GRM5: variants seen among roughly 807,000 people sequenced by gnomAD.
GRM5 encodes the protein glutamate metabotropic receptor 5.
GRM5 carries 19 observed loss-of-function variants against 83.1 expected under a neutral mutation model. The observed-to-expected ratio is 0.23, with a 90% CI of 0.16 to 0.34. The LOEUF is 0.34. Among genes scored for constraint, GRM5 ranks in the 10% least tolerant of loss-of-function variants. The pLI, the probability that GRM5 is intolerant of heterozygous loss-of-function variation, is 1.00. For synonymous variants in GRM5, 675 were observed against 633.6 expected (o/e 1.07, Z -0.98); for missense variants, 1,160 against 1,588.3 (o/e 0.73, Z 4.58).
At chr11:88,568,622 T>C (rs975871460) in intron 7 of GRM5, among the ~76,000 whole-genome samples, 1 of 152,196 alleles carries the variant, frequency 6.6e-6, no homozygotes, top group Non-Finnish European at 1.5e-5. Flanking sequence ...TGTGTGCGTG[T>C]GTGTTTTAAA....
intron 3 of GRM5, among the ~76,000 whole-genome samples, chr11:88,767,922 TA>T (rs1942654681): frequency 6.6e-6 from 1 of 151,810 alleles, no homozygotes; most frequent in African/African-American, 2.4e-5. Context: ...AGCAACACTA[TA>T]AAAAGAAAAA....
intron 4 of GRM5, among the ~76,000 whole-genome samples, chr11:88,636,430 T>G (rs114073765): frequency 6.6e-6 from 1 of 152,062 alleles, no homozygotes; most frequent in Admixed American, 6.6e-5. Context: ...GATAATTGAT[T>G]GAACCTGAGA....
chr11:88,905,530 C>CG (rs1565286062), intron 2 of GRM5, among the ~76,000 whole-genome samples: 4 of 151,940 alleles, frequency 2.6e-5, no homozygotes, highest in Non-Finnish European at 5.9e-5. Flanking sequence ...TTAGTAGAGA[C>CG]GGGGTTTCGC....
At position 88,615,649 on chromosome 11, in the gene GRM5, T is replaced by TAA. The variant is rs58256186; in HGVS notation, c.1148-10687_1148-10686dup. 5.5e-3 allele frequency among the ~76,000 whole-genome samples: 662 copies of TAA among 119,736 alleles called. 10 individuals are homozygous for TAA. The East Asian group carries it at 0.075, about 14-fold the overall frequency. The allele number at this position is 119,736 out of a possible 152,430, so 78.6% of individuals were successfully genotyped here. A position where few individuals can be genotyped will look rare whatever the true frequency, so the allele number is the denominator to read the frequency against. ...CTATTTCCACTATAGATTAAGAAAC[T>TAA]AAAAAAAAAAAAAAAAAAATCAAAG... On this transcript the variant is annotated intron_variant, in intron 4 of 9. Coordinates refer to ENST00000305447, the MANE Select transcript of GRM5 (RefSeq NM_001143831.3).
chr11:88,508,504 A>C lies in GRM5; in HGVS notation c.*88T>G. 1 of 1,091,094 alleles carries C rather than the reference A, an allele frequency of 9.2e-7. No homozygotes were observed. The highest frequency in any genetic ancestry group is 1.3e-6 in the Non-Finnish European group (1 of 749,450). 67.6% of individuals were successfully genotyped at this position (1,091,094 alleles called of 1,614,324 possible). On this transcript the variant is annotated 3_prime_UTR_variant, in exon 10 of 10. Coordinates refer to ENST00000305447, the MANE Select transcript of GRM5 (RefSeq NM_001143831.3). The surrounding 1 kb of genome is among the most constrained non-coding windows in gnomAD (Gnocchi z 4.2). The stretch of plus-strand genomic sequence containing the variant: ...CCTTGGCATCTTCCCCCTGGGCCGT[A>C]ACCAGGCGACTATGCTTGCCATTGT...
intron 2 of GRM5, among the ~76,000 whole-genome samples, chr11:88,944,339 T>A (rs2135670282): frequency 6.6e-6 from 1 of 152,090 alleles, no homozygotes; most frequent in Non-Finnish European, 1.5e-5. Context: ...TGAGTGTGTT[T>A]GGGTCACAGT....
intron 2 of GRM5, among the ~76,000 whole-genome samples, chr11:89,004,037 G>C (rs1403421502): frequency 6.6e-6 from 1 of 152,164 alleles, no homozygotes; most frequent in African/African-American, 2.4e-5. Flanking sequence ...GGGTAGGCAA[G>C]ATCAATAGTG....
intron 3 of GRM5, among the ~76,000 whole-genome samples, chr11:88,783,880 G>A (rs527285133): frequency 7.6e-4 from 116 of 152,098 alleles, no homozygotes; most frequent in African/African-American, 2.8e-3. Flanking sequence ...CTATACACTG[G>A]CACATAGGAA....
intron 4 of GRM5, among the ~76,000 whole-genome samples, chr11:88,652,243 T>C (rs1287499650): frequency 6.6e-6 from 1 of 152,094 alleles, no homozygotes; most frequent in Non-Finnish European, 1.5e-5. Flanking sequence ...GCAATGCAAA[T>C]GCATATGGGT....
chr11:88,923,822 A>G (rs1945735733), intron 2 of GRM5, among the ~76,000 whole-genome samples: 1 of 143,072 alleles, frequency 7.0e-6, no homozygotes, highest in Non-Finnish European at 1.6e-5. Flanking sequence ...CCATGAATAT[A>G]TATATTCGTA....
chr11:88,696,576 GATA>G (rs1487222868), intron 3 of GRM5, among the ~76,000 whole-genome samples: 1 of 152,178 alleles, frequency 6.6e-6, no homozygotes, highest in Non-Finnish European at 1.5e-5. Flanking sequence ...TCATCTGTAA[GATA>G]ATAATTGGGA....
At chr11:88,707,166 A>C (rs1199481169) in intron 3 of GRM5, among the ~76,000 whole-genome samples, 3 of 152,066 alleles carry the variant, frequency 2.0e-5, no homozygotes, top group Non-Finnish European at 4.4e-5. Context: ...TCCTCCCATT[A>C]GCTGTGTGAT....
chr11:89,036,216 A>C (rs1259460180), intron 2 of GRM5, among the ~76,000 whole-genome samples: 1 of 151,986 alleles, frequency 6.6e-6, no homozygotes, highest in East Asian at 1.9e-4. Flanking sequence ...GCCTCTCAAC[A>C]TATATCACCA....
intron 3 of GRM5, among the ~76,000 whole-genome samples, chr11:88,693,583 A>G (rs1387928571): frequency 1.3e-5 from 2 of 152,142 alleles, no homozygotes; most frequent in African/African-American, 4.8e-5. Context: ...ACCCCTGAAA[A>G]TAGGCAGACT....
chr11:88,822,629 A>C (rs962916982), intron 3 of GRM5, among the ~76,000 whole-genome samples: 7 of 152,196 alleles, frequency 4.6e-5, no homozygotes, highest in Non-Finnish European at 8.8e-5. Flanking sequence ...GTGTGGCAGC[A>C]CACAGGGCTG....
At chr11:88,687,545 C>T (rs1565187023) in intron 3 of GRM5, among the ~76,000 whole-genome samples, 211 of 15,506 alleles carry the variant, frequency 0.014, 7 homozygotes, top group Admixed American at 0.06. Context: ...TATACACACA[C>T]ACACACACAT....
At chr11:88,633,634 G>C (rs1480489858) in intron 4 of GRM5, among the ~76,000 whole-genome samples, 1 of 152,090 alleles carries the variant, frequency 6.6e-6, no homozygotes, top group East Asian at 1.9e-4. Flanking sequence ...GAGTAGCTGG[G>C]ACTATAGGCA....
chr11:88,595,022 T>A (rs2135215563), intron 6 of GRM5, among the ~76,000 whole-genome samples: 1 of 152,300 alleles, frequency 6.6e-6, no homozygotes, highest in Admixed American at 6.5e-5. Context: ...TGTGGCCACA[T>A]CTTCTTTAGC....
rs559817767 is a variant in GRM5, at chr11:88,805,823, G to GT, written c.911+44082dup. ...TCATGAATAAATATATCTCTCTGAC[G>GT]TTTTTCCCCTAATTGACAATTACCT... On this transcript the variant is annotated intron_variant, in intron 3 of 9. Coordinates refer to ENST00000305447, the MANE Select transcript of GRM5 (RefSeq NM_001143831.3). Among the ~76,000 whole-genome samples, 17 of 152,142 alleles carry GT rather than the reference G, an allele frequency of 1.1e-4. No homozygotes were observed. The East Asian group carries it at 3.1e-3, about 28-fold the overall frequency.
Sources: gnomAD v4.1 joint callset for allele counts (sites outside exome capture counted in the v4.1 genomes callset) on GRCh38, gnomAD v4.1.1 for gene constraint, Gnocchi (gnomAD v3.1) non-coding constraint, MANE v1.5 for transcripts, NCBI Gene and HGNC (gene_info 2026-07-23, HGNC 2026-07-21) for gene names.